ADAMTS6: variants seen among roughly 807,000 people sequenced by gnomAD.
ADAMTS6 encodes A disintegrin and metalloproteinase with thrombospondin motifs 6.
ADAMTS6 carries 23 observed loss-of-function variants against 144.3 expected under a neutral mutation model. The observed-to-expected ratio is 0.16, with a 90% CI of 0.11 to 0.23. The LOEUF is 0.23. Ranked by LOEUF, ADAMTS6 falls within the 10% of genes least tolerant of loss-of-function variation. The pLI, the probability that ADAMTS6 is intolerant of heterozygous loss-of-function variation, is 1.00. For synonymous variants in ADAMTS6, 444 were observed against 457.5 expected, an observed-to-expected ratio of 0.97 and a Z score of 0.38; for missense variants, 999 against 1,379.6, an observed-to-expected ratio of 0.72 and a Z score of 4.37.
chr5:65,456,270 A>G (rs1211596022), intron 4 of ADAMTS6, among the ~76,000 whole-genome samples: 1 of 152,164 alleles, frequency 6.6e-6, no homozygotes, highest in African/African-American at 2.4e-5. Context: ...TAGTTCTTCA[A>G]ATGATACCTG....
chr5:65,411,715 G>A (rs184519499), intron 7 of ADAMTS6, among the ~76,000 whole-genome samples: 17 of 152,268 alleles, frequency 1.1e-4, no homozygotes, highest in Admixed American at 7.8e-4. Flanking sequence ...GAAGGAGGAA[G>A]AGAGAAAAAC....
At chr5:65,195,043 G>T (rs1049149248) in intron 21 of ADAMTS6, among the ~76,000 whole-genome samples, 7 of 152,104 alleles carry the variant, frequency 4.6e-5, no homozygotes, top group Non-Finnish European at 1.0e-4. Context: ...GTGTGACCAG[G>T]CTCACTCAGA....
chr5:65,252,785 C>T (rs1760293018), intron 14 of ADAMTS6, among the ~76,000 whole-genome samples: 1 of 150,518 alleles, frequency 6.6e-6, no homozygotes, highest in Non-Finnish European at 1.5e-5. Flanking sequence ...ATTACATGGG[C>T]TATGTAGACT....
intron 18 of ADAMTS6, among the ~76,000 whole-genome samples, chr5:65,219,269 A>G (rs1757140865): frequency 6.6e-6 from 1 of 152,196 alleles, no homozygotes; most frequent in Non-Finnish European, 1.5e-5. Flanking sequence ...GTCTGCTTTC[A>G]CACTACAATG....
At chr5:65,460,001 A>G (rs1391177182) in intron 4 of ADAMTS6, among the ~76,000 whole-genome samples, 169 bp downstream of exon 4, 4 of 152,180 alleles carry the variant, frequency 2.6e-5, no homozygotes, top group Non-Finnish European at 4.4e-5. Context: ...AGAGCTCCCA[A>G]ATTGATTTAA....
intron 18 of ADAMTS6, among the ~76,000 whole-genome samples, chr5:65,220,732 GCGAGAC>G (rs1430857387): frequency 3.9e-5 from 6 of 152,130 alleles, no homozygotes; most frequent in Admixed American, 2.0e-4. Context: ...GGGCAACAGA[GCGAGAC>G]TCCGTCTCAA....
chr5:65,215,376 T>C lies in ADAMTS6; in HGVS notation c.2384A>G (p.Glu795Gly). 6.2e-7 allele frequency: 1 copy of C among 1,614,106 alleles called. No homozygotes were observed. The highest frequency in any genetic ancestry group is 8.5e-7 in the Non-Finnish European group (1 of 1,179,974). Residue 795 changes from glutamate (E) to glycine (G), a missense_variant, in exon 19 of 25, where the codon GAA becomes GGA. Transcript: ENST00000381055. ...ACCTAGAGCTTCCAAGGATTCTGGT[T>C]CATCAGTTGGTCTCTTGTAATGAAA... ...TAFHYKRPTD[E>G]PESLEALGPT...
Position 65,242,142 on chromosome 5 carries a change from A to G in ADAMTS6, c.1895T>C (p.Phe632Ser). The stretch of plus-strand genomic sequence containing the variant: ...TTTCCAGTTATAATACTTTCCTCGG[A>G]AAGGCATATTGTCAAAGTCTGCACA... ...KQCADFDNMP[F>S]RGKYYNWKPY... The change falls in exon 15 of 25, where the codon TTC (phenylalanine) becomes TCC (serine). Residue 632 changes from phenylalanine to serine, a missense_variant. Coordinates refer to ENST00000381055, the MANE Select transcript of ADAMTS6 (RefSeq NM_197941.4). 6.2e-7 allele frequency: 1 copy of G among 1,604,246 alleles called. No homozygotes were observed. The highest frequency in any genetic ancestry group is 8.5e-7 in the Non-Finnish European group (1 of 1,173,646).
At chr5:65,252,123 T>C (rs1760216808) in intron 14 of ADAMTS6, among the ~76,000 whole-genome samples, 1 of 152,214 alleles carries the variant, frequency 6.6e-6, no homozygotes. Flanking sequence ...TATGTTTCAA[T>C]CTGATTCACC....
chr5:65,401,779 T>C (rs1186410861), intron 7 of ADAMTS6, among the ~76,000 whole-genome samples: 1 of 152,168 alleles, frequency 6.6e-6, no homozygotes, highest in Non-Finnish European at 1.5e-5. Context: ...AGTTGTTGAT[T>C]TTTCAGTTTG....
At chr5:65,224,796 G>A in intron 17 of ADAMTS6, 128 bp downstream of exon 17, 1 of 1,116,848 alleles carries the variant, frequency 9.0e-7, no homozygotes, top group Non-Finnish European at 1.2e-6. Context: ...ATGACTGAAA[G>A]CAATTTGGGG....
chr5:65,379,654 A>AC (rs1199939806), intron 7 of ADAMTS6, among the ~76,000 whole-genome samples: 1 of 151,852 alleles, frequency 6.6e-6, no homozygotes, highest in African/African-American at 2.4e-5. Context: ...GAAAACAGTG[A>AC]CCCCGCTTTC....
intron 14 of ADAMTS6, among the ~76,000 whole-genome samples, chr5:65,257,757 G>A (rs1356948056): frequency 1.3e-5 from 2 of 152,114 alleles, no homozygotes; most frequent in Non-Finnish European, 2.9e-5. Context: ...TGCCCTTCAT[G>A]TCTCTAGCTT....
At chr5:65,161,034 CTTTT>C (rs1169421795) in intron 24 of ADAMTS6, among the ~76,000 whole-genome samples, 4 of 151,704 alleles carry the variant, frequency 2.6e-5, no homozygotes, top group Non-Finnish European at 5.9e-5. Flanking sequence ...TTCTCTCTCT[CTTTT>C]TATTTATTTA....
intron 10 of ADAMTS6, among the ~76,000 whole-genome samples, chr5:65,296,395 A>G (rs902093612): frequency 6.6e-6 from 1 of 152,158 alleles, no homozygotes; most frequent in African/African-American, 2.4e-5. Context: ...CTGAGCTTGA[A>G]GCTTTCAAGA....
At chr5:65,227,355 A>C (rs538978686) in intron 15 of ADAMTS6, among the ~76,000 whole-genome samples, 1 of 150,506 alleles carries the variant, frequency 6.6e-6, no homozygotes. Context: ...AGTATATTGG[A>C]AAAATAGCAA....
intron 20 of ADAMTS6, chr5:65,213,981 G>A (rs1299684605): frequency 6.0e-5 from 10 of 165,770 alleles, no homozygotes; most frequent in Non-Finnish European, 1.5e-5. Flanking sequence ...CGGTGGAGGC[G>A]ATGCATTTAG....
chr5:65,351,251 G>T (rs1375912121), intron 7 of ADAMTS6, among the ~76,000 whole-genome samples: 1 of 152,126 alleles, frequency 6.6e-6, no homozygotes, highest in Non-Finnish European at 1.5e-5. Flanking sequence ...CAGTCCTCTG[G>T]AAAATATATA....
chr5:65,430,272 C>T (rs1369247487), intron 7 of ADAMTS6, among the ~76,000 whole-genome samples: 1 of 151,826 alleles, frequency 6.6e-6, no homozygotes, highest in Non-Finnish European at 1.5e-5. Context: ...GACTTGGTAC[C>T]CCTACAAACC....
Sources: allele counts gnomAD v4.1 joint callset (sites outside exome capture counted in the v4.1 genomes callset), GRCh38; gene constraint gnomAD v4.1.1; transcripts MANE v1.5; gene names NCBI Gene and HGNC (gene_info 2026-07-23, HGNC 2026-07-21).